The following SBF2 variants were observed in gnomAD, a reference collection of about 807,000 sequenced individuals.
SBF2 encodes SET binding factor 2.
A neutral mutation model predicts 225.2 loss-of-function variants in SBF2; 112 were observed. The ratio of observed to expected loss-of-function variants is 0.50; its 90% confidence interval spans 0.43 to 0.58. SBF2 has a LOEUF of 0.58. Ranked by LOEUF, SBF2 falls within the 20% of genes least tolerant of loss-of-function variation. SBF2 has a pLI of 0.00. For missense variants in SBF2, 1,996 were observed against 2,206.2 expected, an observed-to-expected ratio of 0.90 and a Z score of 1.91; for synonymous variants, 763 against 773.3, an observed-to-expected ratio of 0.99 and a Z score of 0.22.
chr11:9,821,766 T>C lies in SBF2; in HGVS notation c.3794-4742A>G, dbSNP rs1169056890. ...ACGGATGAATATTGTTTCACAGAACTTTTGTTTTAGTGTATACATTATACA... is the reference window on the plus strand; with the variant it reads ...ACGGATGAATATTGTTTCACAGAACCTTTGTTTTAGTGTATACATTATACA... On this transcript the variant is annotated intron_variant, in intron 28 of 39. Coordinates refer to ENST00000256190, the MANE Select transcript of SBF2 (RefSeq NM_030962.4). 5.9e-5 allele frequency among the ~76,000 whole-genome samples: 9 copies of C among 152,346 alleles called. No individual in the cohort carries two copies. In the South Asian group the frequency reaches 1.7e-3, roughly 28 times the overall value.
intron 2 of SBF2, among the ~76,000 whole-genome samples, chr11:10,106,413 G>A (rs1952556889): frequency 6.6e-6 from 1 of 152,082 alleles, no homozygotes; most frequent in African/African-American, 2.4e-5. Flanking sequence ...GCTCACCTGA[G>A]GTCAGGAGTT....
chr11:10,272,338 G>T, intron 1 of SBF2: 1 of 679,322 alleles, frequency 1.5e-6, no homozygotes, highest in South Asian at 2.3e-5. Flanking sequence ...TGTAACTAAG[G>T]CTTACTTACT....
At chr11:9,975,637 T>A (rs1478131340) in intron 13 of SBF2, among the ~76,000 whole-genome samples, 1 of 152,140 alleles carries the variant, frequency 6.6e-6, no homozygotes, top group Non-Finnish European at 1.5e-5. Context: ...AAAAATTAGA[T>A]CATGATAAAC....
At chr11:9,873,002 C>T (rs760779308) in intron 17 of SBF2, among the ~76,000 whole-genome samples, 4 of 151,664 alleles carry the variant, frequency 2.6e-5, no homozygotes, top group African/African-American at 4.8e-5. Context: ...GTCAGGAGAT[C>T]GAGACCTTCC....
At chr11:9,805,615 T>C (rs1306424390) in intron 32 of SBF2, among the ~76,000 whole-genome samples, 1 of 152,076 alleles carries the variant, frequency 6.6e-6, no homozygotes, top group Non-Finnish European at 1.5e-5. Flanking sequence ...CTACTTAGGA[T>C]ATTCTAGATT....
intron 17 of SBF2, among the ~76,000 whole-genome samples, chr11:9,882,541 G>T (rs1295465169): frequency 6.6e-6 from 1 of 152,110 alleles, no homozygotes; most frequent in African/African-American, 2.4e-5. Context: ...GGGCATGGTG[G>T]CTCATGTCTG....
At chr11:9,987,852 T>C (rs771379126) in intron 13 of SBF2, among the ~76,000 whole-genome samples, 1 of 152,010 alleles carries the variant, frequency 6.6e-6, no homozygotes, top group Non-Finnish European at 1.5e-5. Flanking sequence ...CTGAAAGCAA[T>C]CTACAAATTC....
At chr11:9,944,276 G>T (rs1457762068) in intron 16 of SBF2, among the ~76,000 whole-genome samples, 3 of 152,180 alleles carry the variant, frequency 2.0e-5, no homozygotes, top group African/African-American at 4.8e-5. Flanking sequence ...GAAAGCAGTT[G>T]CAGTATAGCT....
At position 9,968,509 on chromosome 11, in the gene SBF2, G is replaced by T; in HGVS notation, c.1432C>A (p.Pro478Thr). 6.2e-7 allele frequency: 1 copy of T among 1,614,044 alleles called. No individual in the cohort carries two copies. Among genetic ancestry groups the T allele is most frequent in the Non-Finnish European group, 8.5e-7 (1 of 1,179,970 alleles). ...AAATGGGATCCTTCTGTTGGCCGTGGAACTTTCTGGAATGCCATATGAGGA... is the reference window on the plus strand; with the variant it reads ...AAATGGGATCCTTCTGTTGGCCGTGTAACTTTCTGGAATGCCATATGAGGA... ...PNPHMAFQKV[P>T]RPTEGSHLRV... The change falls in exon 14 of 40, where the codon CCA (proline) becomes ACA (threonine). Residue 478 changes from proline (P) to threonine (T), a missense_variant. Coordinates refer to ENST00000256190, the MANE Select transcript of SBF2 (RefSeq NM_030962.4).
chr11:10,092,507 A>T (rs1951824751), intron 2 of SBF2, among the ~76,000 whole-genome samples: 1 of 152,224 alleles, frequency 6.6e-6, no homozygotes, highest in South Asian at 2.1e-4. Context: ...CCATACGATT[A>T]TCAGAAAGGA....
chr11:10,044,852 C>A (rs1279729006), intron 2 of SBF2, among the ~76,000 whole-genome samples: 1 of 152,214 alleles, frequency 6.6e-6, no homozygotes. Flanking sequence ...GTGATCGTGG[C>A]TGATGCAGGG....
At chr11:9,965,875 G>T (rs1016975387) in intron 14 of SBF2, among the ~76,000 whole-genome samples, 2 of 151,938 alleles carry the variant, frequency 1.3e-5, no homozygotes, top group African/African-American at 2.4e-5. Context: ...CATAATTGTG[G>T]GCTCTGGTGC....
chr11:9,812,812 T>G, intron 29 of SBF2, 104 bp from the exon 30 acceptor site: 1 of 1,164,554 alleles, frequency 8.6e-7, no homozygotes, highest in South Asian at 1.3e-5. Context: ...TGGGGCCAAA[T>G]AGCTGCAGAG....
chr11:10,208,167 T>G (rs889121712), intron 1 of SBF2, among the ~76,000 whole-genome samples: 2 of 151,566 alleles, frequency 1.3e-5, no homozygotes, highest in African/African-American at 2.4e-5. Context: ...CTCCCACCTG[T>G]AAAGTGATCT....
intron 6 of SBF2, among the ~76,000 whole-genome samples, chr11:10,025,205 C>G (rs992332217): frequency 6.6e-6 from 1 of 152,124 alleles, no homozygotes; most frequent in Non-Finnish European, 1.5e-5. Context: ...AGAGGATATA[C>G]TTTTACTTCT....
intron 6 of SBF2, among the ~76,000 whole-genome samples, chr11:10,023,955 C>T (rs2134607878): frequency 6.6e-6 from 1 of 152,198 alleles, no homozygotes; most frequent in Middle Eastern, 3.4e-3. Flanking sequence ...CAAATATCAT[C>T]CAGAAAGTTT....
intron 13 of SBF2, among the ~76,000 whole-genome samples, chr11:9,977,200 G>T (rs972596485): frequency 6.6e-6 from 1 of 152,014 alleles, no homozygotes; most frequent in Non-Finnish European, 1.5e-5. Context: ...AAGAATCATA[G>T]AGGCCAGGGG....
At chr11:9,964,002 G>A in intron 14 of SBF2, 120 bp from the exon 15 acceptor site, 4 of 661,578 alleles carry the variant, frequency 6.0e-6, no homozygotes, top group Non-Finnish European at 1.1e-5. Flanking sequence ...CGTAATCCCA[G>A]CAATTTGGGA....
At chr11:9,791,969 G>A (rs185292878) in intron 33 of SBF2, among the ~76,000 whole-genome samples, 4 of 152,238 alleles carry the variant, frequency 2.6e-5, no homozygotes, top group African/African-American at 4.8e-5. Context: ...GCTGGCTTAG[G>A]GCAACATGTA....
Sources: gnomAD v4.1 joint callset for allele counts (sites outside exome capture counted in the v4.1 genomes callset) on GRCh38, gnomAD v4.1.1 for gene constraint, MANE v1.5 for transcripts, NCBI Gene and HGNC (gene_info 2026-07-23, HGNC 2026-07-21) for gene names.